INO80: variants seen among roughly 807,000 people sequenced by gnomAD.
INO80 encodes the protein INO80 complex ATPase subunit.
INO80 carries 20 observed loss-of-function variants against 203.4 expected under a neutral mutation model. The ratio of observed to expected loss-of-function variants is 0.10; its 90% CI spans 0.07 to 0.14. The LOEUF (loss-of-function observed/expected upper bound fraction) is 0.14, where lower values mean the gene tolerates loss of function less well. Ranked by LOEUF, INO80 falls within the 10% of genes least tolerant of loss-of-function variation. The probability of loss-of-function intolerance (pLI) is 1.00; values close to 1 mark genes in which losing one functional copy is unlikely to be tolerated. For synonymous variants in INO80, 726 were observed against 685.2 expected, an observed-to-expected ratio of 1.06 and a Z score of -0.93; for missense variants, 1,419 against 1,914.4, an observed-to-expected ratio of 0.74 and a Z score of 4.83.
At chr15:41,053,840 C>T (rs1454181517) in intron 19 of INO80, 89 bp downstream of exon 19, 26 of 950,236 alleles carry the variant, frequency 2.7e-5, no homozygotes, top group Non-Finnish European at 3.2e-5. Flanking sequence ...AAGCAAACTT[C>T]AACTAAACAT....
intron 7 of INO80, among the ~76,000 whole-genome samples, chr15:41,082,205 G>A (rs984407235): frequency 9.8e-5 from 14 of 142,652 alleles, no homozygotes; most frequent in Admixed American, 5.9e-4. Context: ...AGCCGAGATC[G>A]TACCACTGCA....
intron 25 of INO80, among the ~76,000 whole-genome samples, chr15:41,024,248 G>A (rs748555278): frequency 1.3e-5 from 2 of 152,134 alleles, no homozygotes; most frequent in Admixed American, 1.3e-4. Flanking sequence ...AATATATTCA[G>A]AATCATACAA....
intron 7 of INO80, among the ~76,000 whole-genome samples, chr15:41,083,571 C>T (rs1247749987): frequency 3.3e-5 from 5 of 151,112 alleles, no homozygotes; most frequent in Non-Finnish European, 5.9e-5. Flanking sequence ...CTGGGTGTGA[C>T]GGCGCGCACC....
At chr15:41,107,978 T>C (rs2045905610) in intron 1 of INO80, among the ~76,000 whole-genome samples, 2 of 151,834 alleles carry the variant, frequency 1.3e-5, no homozygotes, top group Admixed American at 1.3e-4. Flanking sequence ...TGCATGCCTG[T>C]AATCCCAGCT....
chr15:41,054,680 C>G (rs1366493043), intron 18 of INO80, among the ~76,000 whole-genome samples: 1 of 152,062 alleles, frequency 6.6e-6, no homozygotes, highest in African/African-American at 2.4e-5. Context: ...GCTCTATCAC[C>G]CAGGCTGGAG....
chr15:40,982,995 T>A lies in INO80; in HGVS notation c.4320A>T (p.Thr1440=). 6.2e-7 allele frequency: 1 copy of A among 1,614,146 alleles called. No homozygotes were observed. Among genetic ancestry groups the A allele is most frequent in the Non-Finnish European group, 8.5e-7 (1 of 1,180,028 alleles). The change falls in exon 35 of 36, where the codon ACA becomes ACT. Residue 1440 remains threonine (T), a synonymous_variant. Coordinates refer to ENST00000648947, the MANE Select transcript of INO80 (RefSeq NM_017553.3). ...TCCGGCCCTTCCCTGCTCCTTTGGC[T>A]GTGCTTCCTGAACCTTTGGGGCGGC... The part of the protein sequence containing the change: ...SRGRPKGSGS[T]AKGAGKGRSR...
chr15:40,996,968 C>T (rs533037784), intron 29 of INO80, among the ~76,000 whole-genome samples: 54 of 152,234 alleles, frequency 3.5e-4, no homozygotes, highest in Non-Finnish European at 4.4e-5. Flanking sequence ...AAATATTTGT[C>T]GAATGAATGT....
intron 14 of INO80, among the ~76,000 whole-genome samples, chr15:41,065,666 G>GAT (rs1040968379): frequency 1.8e-4 from 27 of 152,124 alleles, no homozygotes; most frequent in African/African-American, 4.1e-4. Context: ...AACAAAATGT[G>GAT]ATATATATAT....
chr15:40,995,186 T>G (rs1055121896), intron 29 of INO80, among the ~76,000 whole-genome samples: 2 of 152,164 alleles, frequency 1.3e-5, no homozygotes, highest in East Asian at 3.9e-4. Flanking sequence ...TTCCTTCCAT[T>G]GTTGAGGCCA....
intron 1 of INO80, among the ~76,000 whole-genome samples, chr15:41,104,848 A>T (rs993562583): frequency 6.6e-6 from 1 of 152,284 alleles, no homozygotes; most frequent in South Asian, 2.1e-4. Context: ...CCAACTTATC[A>T]GTATTTATAT....
At chr15:41,037,753 G>A (rs1391995584) in intron 24 of INO80, among the ~76,000 whole-genome samples, 1 of 151,964 alleles carries the variant, frequency 6.6e-6, no homozygotes, top group African/African-American at 2.4e-5. Context: ...GACCAGCCTG[G>A]CCCACATGGC....
At position 41,096,149 on chromosome 15, in the gene INO80, CAAAGA is replaced by C. The variant is rs1335020169; in HGVS notation, c.143+14_143+18del. The C allele has an allele frequency of 6.3e-7, 1 of 1,582,242 alleles. No individual in the cohort carries two copies. Among genetic ancestry groups the C allele is most frequent in the Non-Finnish European group, 8.6e-7 (1 of 1,168,638 alleles). ...ATCAGGAATTTGGTAAAACATATTG[CAAAGA>C]TACAATAACATACCTAGAAATATTC... is the stretch of plus-strand genomic sequence containing the variant. On this transcript the variant is annotated intron_variant, in intron 2 of 35. Coordinates refer to ENST00000648947, the MANE Select transcript of INO80 (RefSeq NM_017553.3).
chr15:41,060,383 G>T (rs1332082634), intron 14 of INO80, among the ~76,000 whole-genome samples: 1 of 152,102 alleles, frequency 6.6e-6, no homozygotes, highest in Non-Finnish European at 1.5e-5. Flanking sequence ...GAGGTCAGGA[G>T]TTGGAGACCA....
At position 41,043,688 on chromosome 15, in the gene INO80, C is replaced by T. The variant is rs187413221; in HGVS notation, c.2907+1216G>A. Among the ~76,000 whole-genome samples the T allele has an allele frequency of 2.6e-5, 4 of 152,320 alleles. No individual in the cohort carries two copies. The East Asian group carries it at 7.7e-4, about 29-fold the overall frequency. ...CAAGGAAAATGACCTAGTTTCTAAA[C>T]TTCAATCTAGCTGAAGGACTATAAC... is the stretch of plus-strand genomic sequence containing the variant. On this transcript the variant is annotated intron_variant, in intron 24 of 35. Transcript: ENST00000648947.
intron 24 of INO80, among the ~76,000 whole-genome samples, chr15:41,028,747 T>A (rs940029483): frequency 2.6e-5 from 4 of 152,134 alleles, no homozygotes; most frequent in Non-Finnish European, 4.4e-5. Context: ...TCCCAGCTAC[T>A]CAGGAGGCTG....
rs199698267 is a variant in INO80 at position 41,020,980 on chromosome 15, C to A, written c.3194G>T (p.Arg1065Leu). The A allele has an allele frequency of 1.9e-6, 3 of 1,614,152 alleles. No individual in the cohort carries two copies. The highest frequency in any genetic ancestry group is 2.5e-6 in the Non-Finnish European group (3 of 1,180,002). The change falls in exon 26 of 36, where the codon CGA becomes CTA. Residue 1065 changes from arginine (R) to leucine (L), a missense_variant. Around this residue, in one of 9 missense-constraint regions of INO80, gnomAD observed 302 missense variants for 345.4 expected, o/e 0.87. Transcript: ENST00000648947. ...AGCTGGCTCTGGGAAGAACTGTGAT[C>A]GTCTATTTAGCCAGTCTGCAGCCAG... ...PELAADWLNR[R>L]SQFFPEPAGG... is the part of the protein sequence containing the mutation.
intron 1 of INO80, 130 bp downstream of exon 1, chr15:41,115,843 C>A (rs923929657): frequency 2.7e-6 from 1 of 371,226 alleles, no homozygotes; most frequent in East Asian, 3.9e-5. Flanking sequence ...TCCATACTAA[C>A]CCCAACAAAT....
chr15:41,074,996 C>CA (rs2045381663), intron 9 of INO80, among the ~76,000 whole-genome samples: 1 of 152,132 alleles, frequency 6.6e-6, no homozygotes, highest in Non-Finnish European at 1.5e-5. Flanking sequence ...TTCAGCATCC[C>CA]AAAGTGCTGG....
intron 14 of INO80, among the ~76,000 whole-genome samples, chr15:41,066,104 G>A (rs922218963): frequency 2.7e-5 from 4 of 149,262 alleles, no homozygotes; most frequent in Admixed American, 6.8e-5. Context: ...TCAGCCTCCC[G>A]AGTAGCTGGG....
Sources: gnomAD v4.1 joint callset for allele counts (sites outside exome capture counted in the v4.1 genomes callset) on GRCh38, gnomAD v4.1.1 for gene constraint, gnomAD v4.1.1 regional missense constraint, MANE v1.5 for transcripts, NCBI Gene and HGNC (gene_info 2026-07-23, HGNC 2026-07-21) for gene names.